Variants in TSHZ2 observed in about 807,000 individuals in gnomAD.
TSHZ2 encodes teashirt homolog 2.
In TSHZ2, 21 loss-of-function variants were observed where a neutral mutation model predicts 74.4. The observed-to-expected ratio is 0.28, with a 90% CI of 0.20 to 0.41. The LOEUF (loss-of-function observed/expected upper bound fraction) is 0.41, where lower values mean the gene tolerates loss of function less well. TSHZ2 is among the 10% of genes least tolerant of loss of function. The probability of loss-of-function intolerance (pLI) is 1.00; values close to 1 mark genes in which losing one functional copy is unlikely to be tolerated. For missense variants in TSHZ2, 1,244 were observed against 1,293.5 expected (o/e 0.96, Z 0.59); for synonymous variants, 540 against 515.3 (o/e 1.05, Z -0.65).
chr20:53,312,426 T>A (rs1459809656), intron 2 of TSHZ2, among the ~76,000 whole-genome samples: 1 of 152,206 alleles, frequency 6.6e-6, no homozygotes, highest in Admixed American at 6.5e-5. Flanking sequence ...TGGCAGTGAT[T>A]GTTCCCTTAT....
chr20:53,053,711 G>A (rs1182349629), intron 1 of TSHZ2, among the ~76,000 whole-genome samples: 1 of 152,100 alleles, frequency 6.6e-6, no homozygotes, highest in East Asian at 1.9e-4. Flanking sequence ...TTTGGAAATA[G>A]CGCATACATA....
At chr20:53,469,626 A>AAGGGAGGGAGGG (rs1202477269) in intron 2 of TSHZ2, among the ~76,000 whole-genome samples, 7 of 55,760 alleles carry the variant, frequency 1.3e-4, no homozygotes, top group Non-Finnish European at 2.3e-4. Flanking sequence ...GAGAGGGAGG[A>AAGGGAGGGAGGG]AGGGAGGGAG....
At chr20:53,307,261 C>T (rs1205094881) in intron 2 of TSHZ2, among the ~76,000 whole-genome samples, 1 of 152,090 alleles carries the variant, frequency 6.6e-6, no homozygotes, top group East Asian at 1.9e-4. Context: ...ACTTCCCTTC[C>T]CTGCCACTTC....
chr20:53,280,665 T>G (rs1003154871), intron 2 of TSHZ2, among the ~76,000 whole-genome samples: 254 of 140,712 alleles, frequency 1.8e-3, no homozygotes, highest in African/African-American at 6.3e-3. Flanking sequence ...TTGTTTGTTT[T>G]TTGTTGTTGT....
At chr20:53,124,756 C>T (rs1175390867) in intron 1 of TSHZ2, among the ~76,000 whole-genome samples, 3 of 152,192 alleles carry the variant, frequency 2.0e-5, no homozygotes, top group Non-Finnish European at 4.4e-5. Flanking sequence ...CCATTTTCCA[C>T]CTGAAGACAT....
chr20:53,075,085 C>T (rs984741495), intron 1 of TSHZ2, among the ~76,000 whole-genome samples: 1 of 152,238 alleles, frequency 6.6e-6, no homozygotes, highest in Non-Finnish European at 1.5e-5. Flanking sequence ...AGGATTTAAA[C>T]ATCCCTGTCA....
rs775585611 is a variant in TSHZ2 at position 53,253,706 on chromosome 20, C to G, written c.248C>G (p.Ser83Cys). 1.2e-6 allele frequency: 2 copies of G among 1,614,166 alleles called. No individual in the cohort carries two copies. Among genetic ancestry groups the G allele is most frequent in the Non-Finnish European group, 1.7e-6 (2 of 1,180,022 alleles). The change falls in exon 2 of 3, where the codon TCT becomes TGT. Residue 83 changes from serine (S) to cysteine (C), a missense_variant. Around this residue, in one of 6 missense-constraint regions of TSHZ2, gnomAD observed 470 missense variants for 456.5 expected, o/e 1.03. Transcript: ENST00000371497. ...TCCAATCAGGATGCCGAGAACGAGT[C>G]TCTGCTGAGTGACGCCAGTGATCAG... The part of the protein sequence containing the change: ...HLSNQDAENE[S>C]LLSDASDQVS...
chr20:53,139,688 T>C (rs1447276419), intron 1 of TSHZ2, among the ~76,000 whole-genome samples: 3 of 151,996 alleles, frequency 2.0e-5, no homozygotes, highest in Non-Finnish European at 4.4e-5. Flanking sequence ...AGTGCTATTA[T>C]CATTTACAAT....
intron 1 of TSHZ2, among the ~76,000 whole-genome samples, chr20:53,190,012 C>A (rs1422476022): frequency 2.8e-5 from 4 of 140,384 alleles, no homozygotes; most frequent in African/African-American, 5.3e-5. Flanking sequence ...CGAGCCAGGG[C>A]AGGTTGAGGT....
chr20:53,336,538 T>G (rs1488827762), intron 2 of TSHZ2, among the ~76,000 whole-genome samples: 1 of 152,218 alleles, frequency 6.6e-6, no homozygotes, highest in African/African-American at 2.4e-5. Flanking sequence ...GATATTAAGA[T>G]GTCTGAGGAT....
At chr20:53,361,797 C>T (rs1273686655) in intron 2 of TSHZ2, among the ~76,000 whole-genome samples, 1 of 152,196 alleles carries the variant, frequency 6.6e-6, no homozygotes, top group Non-Finnish European at 1.5e-5. Context: ...TTTTCAATGT[C>T]CAGTAGACAT....
intron 2 of TSHZ2, among the ~76,000 whole-genome samples, chr20:53,480,821 TG>T (rs1486968781): frequency 6.6e-6 from 1 of 152,108 alleles, no homozygotes; most frequent in Non-Finnish European, 1.5e-5. Flanking sequence ...CCAGCCAAAA[TG>T]CTGTGCCAGG....
At chr20:53,155,621 A>G (rs1321450903) in intron 1 of TSHZ2, among the ~76,000 whole-genome samples, 1 of 151,982 alleles carries the variant, frequency 6.6e-6, no homozygotes, top group African/African-American at 2.4e-5. Context: ...GGAAAACTCA[A>G]TGCACAATAT....
chr20:53,302,208 C>G (rs114768880), intron 2 of TSHZ2, among the ~76,000 whole-genome samples: 2 of 152,084 alleles, frequency 1.3e-5, no homozygotes, highest in Non-Finnish European at 2.9e-5. Flanking sequence ...TTGTCAACAT[C>G]GGGGTTCAGA....
chr20:53,014,059 TG>T (rs1298327217), intron 1 of TSHZ2, among the ~76,000 whole-genome samples: 1 of 152,092 alleles, frequency 6.6e-6, no homozygotes, highest in Non-Finnish European at 1.5e-5. Context: ...ATAGACTGGG[TG>T]GGTGGCTTAA....
intron 2 of TSHZ2, among the ~76,000 whole-genome samples, chr20:53,258,949 TGTTTGTGTTCATC>T (rs1990543527): frequency 1.3e-5 from 2 of 152,200 alleles, no homozygotes; most frequent in South Asian, 4.1e-4. Context: ...GTACTGGCTG[TGTTTGTGTTCATC>T]GTAAAAATAC....
intron 1 of TSHZ2, among the ~76,000 whole-genome samples, chr20:53,189,036 G>C (rs1600731406): frequency 6.6e-6 from 1 of 152,256 alleles, no homozygotes; most frequent in African/African-American, 2.4e-5. Context: ...CTTTCCTCAT[G>C]CCATTTCTAA....
At chr20:53,419,797 C>A (rs59727379) in intron 2 of TSHZ2, among the ~76,000 whole-genome samples, 2,954 of 152,314 alleles carry the variant, frequency 0.019, 101 homozygotes, top group African/African-American at 0.068. Context: ...TCTGTGGCCA[C>A]CTTGCTGGGG....
intron 1 of TSHZ2, among the ~76,000 whole-genome samples, chr20:53,050,646 G>A (rs1194366042): frequency 6.6e-6 from 1 of 152,192 alleles, no homozygotes; most frequent in East Asian, 1.9e-4. Flanking sequence ...AGTTGAGTTG[G>A]TTGCTATTTA....
Sources: allele counts gnomAD v4.1 joint callset (sites outside exome capture counted in the v4.1 genomes callset), GRCh38; gene constraint gnomAD v4.1.1; regional missense constraint gnomAD v4.1.1; transcripts MANE v1.5; gene names NCBI Gene and HGNC (gene_info 2026-07-23, HGNC 2026-07-21).